NOL11: variants seen among roughly 807,000 people sequenced by gnomAD.
NOL11 encodes nucleolar protein 11.
Under a neutral mutation model 93.0 loss-of-function variants are expected in NOL11, and 42 were observed. That is an observed-to-expected ratio of 0.45 (90% CI 0.35 to 0.58). The LOEUF is 0.58. Ranked by LOEUF, NOL11 falls within the 20% of genes least tolerant of loss-of-function variation. The pLI is 0.00. For missense variants in NOL11, 775 were observed against 841.8 expected (o/e 0.92, Z 0.98); for synonymous variants, 296 against 293.7 (o/e 1.01, Z -0.08).
intron 7 of NOL11, among the ~76,000 whole-genome samples, chr17:67,729,838 C>T (rs1242805279): frequency 3.9e-5 from 6 of 152,184 alleles, no homozygotes; most frequent in Non-Finnish European, 7.3e-5. Context: ...CTCGGCCTCC[C>T]AAAGTGCCGG....
intron 7 of NOL11, among the ~76,000 whole-genome samples, chr17:67,727,762 G>A (rs962737110): frequency 2.0e-5 from 3 of 151,766 alleles, no homozygotes; most frequent in Non-Finnish European, 4.4e-5. Context: ...CCAGGAGTTC[G>A]AGACCAGCTT....
intron 7 of NOL11, among the ~76,000 whole-genome samples, chr17:67,733,690 G>A (rs78451889): frequency 1.3e-5 from 2 of 151,688 alleles, no homozygotes; most frequent in Non-Finnish European, 2.9e-5. Context: ...AGTTTTTTTT[G>A]TTGTTGTTTT....
intron 7 of NOL11, 102 bp from the exon 8 acceptor site, chr17:67,734,261 A>G: frequency 2.9e-6 from 2 of 692,138 alleles, no homozygotes; most frequent in Non-Finnish European, 5.1e-6. Context: ...TCATTTCTAT[A>G]CTAAAGCAAA....
rs1207787004 is a variant in NOL11, at chr17:67,719,935, A to C, written c.285A>C (p.Val95=). 6.4e-7 allele frequency: 1 copy of C among 1,573,302 alleles called. No individual in the cohort carries two copies. Among genetic ancestry groups the C allele is most frequent in the Non-Finnish European group, 8.6e-7 (1 of 1,156,948 alleles). Residue 95 remains valine, a synonymous_variant, in exon 3 of 18, where the codon GTA becomes GTC. Coordinates refer to ENST00000253247, the MANE Select transcript of NOL11 (RefSeq NM_015462.5). ...KVLRIWNNED[V]NLDKVFKATL... is the part of the protein sequence containing the mutation. The stretch of plus-strand genomic sequence containing the variant: ...TAAGAATATGGAATAATGAAGATGT[A>C]AACCTGGATAAAGTATTTAAAGCTA...
intron 3 of NOL11, among the ~76,000 whole-genome samples, chr17:67,720,813 G>A (rs1248134750): frequency 6.6e-6 from 1 of 152,164 alleles, no homozygotes. Context: ...TCACAATAGG[G>A]TTAATTCAGA....
Position 67,721,454 on chromosome 17 carries a change from G to GCT in NOL11, c.389_390insCT (p.Gly131LeufsTer3). The stretch of plus-strand genomic sequence containing the variant: ...GTGCTCTTCAAGGAAGGTGCTGTTC[G>GCT]TGGTTTAGAGGCCTTGCTTGCAGAC... On this transcript the variant is annotated frameshift_variant, in exon 4 of 18. Coordinates refer to ENST00000253247, the MANE Select transcript of NOL11 (RefSeq NM_015462.5). LOFTEE classifies it high-confidence loss of function. 1 of 1,613,808 alleles carries GCT rather than the reference G, an allele frequency of 6.2e-7. No individual in the cohort carries two copies. Among genetic ancestry groups the GCT allele is most frequent in the Non-Finnish European group, 8.5e-7 (1 of 1,179,732 alleles).
rs1351548734 is a variant in NOL11, at chr17:67,724,075, A to G, written c.546A>G (p.Gln182=). 3.2e-6 allele frequency: 5 copies of G among 1,562,558 alleles called. No homozygotes were observed. Among genetic ancestry groups the G allele is most frequent in the Non-Finnish European group, 4.3e-6 (5 of 1,159,898 alleles). Reference sequence around the variant, plus strand: ...ATGGAAATTACTTTGCTTACGTGCAAATGTTTAACTCACGTATCTTAACCA... The same window carrying G: ...ATGGAAATTACTTTGCTTACGTGCAGATGTTTAACTCACGTATCTTAACCA... The part of the protein sequence containing the change: ...EKHGNYFAYV[Q]MFNSRILTKY... The change falls in exon 6 of 18, where the codon CAA becomes CAG. Residue 182 remains glutamine, a synonymous_variant. Transcript: ENST00000253247.
At position 67,738,328 on chromosome 17, in the gene NOL11, C is replaced by T. The variant is rs2055223208; in HGVS notation, c.1736C>T (p.Pro579Leu). 2.5e-6 allele frequency: 4 copies of T among 1,612,396 alleles called. No individual in the cohort carries two copies. Among genetic ancestry groups the T allele is most frequent in the Non-Finnish European group, 3.4e-6 (4 of 1,179,354 alleles). Residue 579 changes from proline (P) to leucine (L), a missense_variant, in exon 14 of 18, where the codon CCT (proline) becomes CTT (leucine). Physicochemically the swap from Pro to Leu is moderately conservative, Grantham distance 98. Around this residue, in one of 2 missense-constraint regions of NOL11, gnomAD observed 416 missense variants for 525.2 expected, o/e 0.79. Transcript: ENST00000253247. The part of the protein sequence containing the change: ...QDETKESTSC[P>L]VVQKRAALLN... ...GAAACAAAGGAGAGCACTTCATGCC[C>T]TGTGGTACAAAAAAGAGCAGCTCTA...
At chr17:67,739,475 T>C in intron 15 of NOL11, 41 bp from the exon 16 acceptor site, 1 of 1,264,548 alleles carries the variant, frequency 7.9e-7, no homozygotes, top group Admixed American at 2.3e-5. Context: ...AGAAATTTTT[T>C]CTATCAAAAT....
At position 67,736,727 on chromosome 17, in the gene NOL11, C is replaced by T; in HGVS notation, c.1116C>T (p.Phe372=). 1 of 1,612,752 alleles carries T rather than the reference C, an allele frequency of 6.2e-7. No individual in the cohort carries two copies. Among genetic ancestry groups the T allele is most frequent in the Non-Finnish European group, 8.5e-7 (1 of 1,179,158 alleles). ...WETPQGCGLG[F]QNSEQSRRIL... is the part of the protein sequence containing the mutation. ...CACCTCAAGGATGTGGACTTGGGTT[C>T]CAGAACTCAGAGCAGTCAAGAAGAA... The change falls in exon 10 of 18, where the codon TTC becomes TTT. Residue 372 remains phenylalanine, a synonymous_variant. Coordinates refer to ENST00000253247, the MANE Select transcript of NOL11 (RefSeq NM_015462.5).
At chr17:67,736,085 A>T (rs1054366466) in intron 9 of NOL11, 62 bp downstream of exon 9, 7 of 1,353,634 alleles carry the variant, frequency 5.2e-6, no homozygotes, top group Admixed American at 2.3e-5. Context: ...GTAGTTTCGT[A>T]CAGATTCCCA....
In NOL11 at chr17:67,731,183, G is replaced by T. The variant is rs564939523; in HGVS notation, c.854-3180G>T. On this transcript the variant is annotated intron_variant, in intron 7 of 17. Transcript: ENST00000253247. ...GATGCTACACCCTTATCAGACATATGATTTCCAAATATTTTCTCCCATTCT... is the reference window on the plus strand; with the variant it reads ...GATGCTACACCCTTATCAGACATATTATTTCCAAATATTTTCTCCCATTCT... Among the ~76,000 whole-genome samples, 8 of 151,668 alleles carry T rather than the reference G, an allele frequency of 5.3e-5. 1 individual carries two copies. The South Asian group carries it at 1.7e-3, about 32-fold the overall frequency.
At chr17:67,733,525 C>T (rs1375477576) in intron 7 of NOL11, among the ~76,000 whole-genome samples, 1 of 152,130 alleles carries the variant, frequency 6.6e-6, no homozygotes, top group East Asian at 1.9e-4. Context: ...CGTAGAATAG[C>T]AGTGGTGAAG....
intron 16 of NOL11, 35 bp downstream of exon 16, chr17:67,739,643 G>GA (rs755750186): frequency 1.5e-6 from 2 of 1,349,066 alleles, no homozygotes; most frequent in Non-Finnish European, 2.1e-6. Flanking sequence ...TTGGTGCTGG[G>GA]AAAAATCTGT....
chr17:67,738,281 G>A lies in NOL11; in HGVS notation c.1689G>A (p.Glu563=), dbSNP rs775473486. 8 of 1,614,072 alleles carry A rather than the reference G, an allele frequency of 5.0e-6. 1 individual carries two copies. In the South Asian group the frequency reaches 6.6e-5, roughly 13 times the overall value. The part of the protein sequence containing the change: ...EEDKCNNCDQ[E]LNKKPQDETK... Reference sequence around the variant, plus strand: ...ATAAATGCAATAACTGTGATCAAGAGTTAAATAAAAAGCCCCAGGACGAAA... The same window carrying A: ...ATAAATGCAATAACTGTGATCAAGAATTAAATAAAAAGCCCCAGGACGAAA... The change falls in exon 14 of 18, where the codon GAG becomes GAA. Residue 563 remains glutamate, a synonymous_variant. Transcript: ENST00000253247.
intron 7 of NOL11, among the ~76,000 whole-genome samples, chr17:67,733,568 A>G (rs1599043820): frequency 6.6e-6 from 1 of 152,212 alleles, no homozygotes. Flanking sequence ...CTTTTTCCTT[A>G]TCTTAGGGGG....
intron 7 of NOL11, among the ~76,000 whole-genome samples, chr17:67,729,261 A>G (rs904430316): frequency 6.6e-6 from 1 of 151,730 alleles, no homozygotes; most frequent in African/African-American, 2.4e-5. Flanking sequence ...CACTTGGCTA[A>G]TTTTTTTCCT....
At chr17:67,736,099 C>G in intron 9 of NOL11, 76 bp downstream of exon 9, 2 of 1,297,824 alleles carry the variant, frequency 1.5e-6, no homozygotes, top group Non-Finnish European at 2.1e-6. Context: ...ATTCCCACAG[C>G]CTTCTATTTG....
Position 67,744,014 on chromosome 17 carries a change from G to A in NOL11, c.*155G>A, listed in dbSNP as rs531263612. The stretch of plus-strand genomic sequence containing the variant: ...ACCATCACTTAACTGATGCTCCGGG[G>A]TAGGACTGCAGGTTTCACATGAACC... On this transcript the variant is annotated 3_prime_UTR_variant, in exon 18 of 18. Coordinates refer to ENST00000253247, the MANE Select transcript of NOL11 (RefSeq NM_015462.5). The A allele has an allele frequency of 6.1e-5, 26 of 428,072 alleles. No individual in the cohort carries two copies. In the East Asian group the frequency reaches 9.7e-4, roughly 16 times the overall value. 26.5% of individuals were successfully genotyped at this position (428,072 alleles called of 1,614,324 possible).
Sources: allele counts gnomAD v4.1 joint callset (sites outside exome capture counted in the v4.1 genomes callset), GRCh38; gene constraint gnomAD v4.1.1; regional missense constraint gnomAD v4.1.1; transcripts MANE v1.5; gene names NCBI Gene and HGNC (gene_info 2026-07-23, HGNC 2026-07-21).